Variants in LYPD6B observed in about 807,000 individuals in gnomAD.
LYPD6B encodes LY6/PLAUR domain containing 6B.
LYPD6B carries 17 observed loss-of-function variants against 22.8 expected under a neutral mutation model. That is an observed-to-expected ratio of 0.75 (90% CI 0.51 to 1.12). The LOEUF is 1.12. Among genes scored for constraint, LYPD6B ranks in the 50% most tolerant of loss-of-function variants. The probability of loss-of-function intolerance (pLI) is 0.00; values close to 1 mark genes in which losing one functional copy is unlikely to be tolerated. For synonymous variants in LYPD6B, 106 were observed against 91.6 expected (o/e 1.16, Z -0.90); for missense variants, 221 against 258.3 (o/e 0.86, Z 0.99).
At chr2:149,095,016 G>T (rs140205428) in intron 1 of LYPD6B, among the ~76,000 whole-genome samples, 1 of 152,238 alleles carries the variant, frequency 6.6e-6, no homozygotes, top group Non-Finnish European at 1.5e-5. Flanking sequence ...AGGTGGCCGG[G>T]AGTGGTGGCT....
chr2:149,066,341 A>G (rs1684330816), intron 1 of LYPD6B, among the ~76,000 whole-genome samples: 2 of 142,714 alleles, frequency 1.4e-5, no homozygotes, highest in Admixed American at 1.4e-4. Flanking sequence ...CCCACCCCAC[A>G]ACAGGCCCCG....
chr2:149,073,716 G>A (rs1048500464), intron 1 of LYPD6B, among the ~76,000 whole-genome samples: 1 of 152,000 alleles, frequency 6.6e-6, no homozygotes, highest in Non-Finnish European at 1.5e-5. Context: ...CACTTCTATA[G>A]GTACCTGCTG....
At chr2:149,047,283 T>A (rs1255210139) in intron 1 of LYPD6B, among the ~76,000 whole-genome samples, 2 of 152,184 alleles carry the variant, frequency 1.3e-5, no homozygotes, top group Non-Finnish European at 2.9e-5. Flanking sequence ...CTATTTTTCC[T>A]GCATCTTTGG....
At chr2:149,108,146 A>G (rs1235190084) in intron 1 of LYPD6B, among the ~76,000 whole-genome samples, 1 of 152,120 alleles carries the variant, frequency 6.6e-6, no homozygotes, top group Admixed American at 6.6e-5. Context: ...TGGTTTAATA[A>G]AGAAGAGTTC....
intron 1 of LYPD6B, among the ~76,000 whole-genome samples, chr2:149,120,756 A>T (rs552172457): frequency 6.8e-6 from 1 of 146,886 alleles, no homozygotes; most frequent in Admixed American, 6.8e-5. Context: ...TATTAATATA[A>T]ACATTTTTTG....
intron 4 of LYPD6B, chr2:149,205,947 T>C: frequency 2.3e-6 from 1 of 435,338 alleles, no homozygotes; most frequent in Middle Eastern, 5.6e-4. Flanking sequence ...ATATATATGT[T>C]AATACATTTT....
chr2:149,185,170 C>T lies in LYPD6B; in HGVS notation c.78-20083C>T, dbSNP rs562352720. ...GCACCATGCCCAACTGTTGCATGGG[C>T]TTCTGGGGCACTCAGGGATTAAAGG... On this transcript the variant is annotated intron_variant, in intron 3 of 6. Coordinates refer to ENST00000409642, the MANE Select transcript of LYPD6B (RefSeq NM_177964.5). Among the ~76,000 whole-genome samples the T allele has an allele frequency of 1.3e-4, 20 of 152,318 alleles. No individual in the cohort carries two copies. In the East Asian group the frequency reaches 3.9e-3, roughly 29 times the overall value.
At chr2:149,075,157 T>A in intron 1 of LYPD6B, among the ~76,000 whole-genome samples, 1 of 152,250 alleles carries the variant, frequency 6.6e-6, no homozygotes, top group East Asian at 1.9e-4. Context: ...ATTAACTTTA[T>A]GCTTTTGATT....
At chr2:149,135,045 G>A (rs1688271395) in intron 2 of LYPD6B, among the ~76,000 whole-genome samples, 1 of 152,034 alleles carries the variant, frequency 6.6e-6, no homozygotes, top group Admixed American at 6.5e-5. Flanking sequence ...AGGAGTTCAA[G>A]ACCAGCCTGG....
At chr2:149,205,673 A>G (rs1559078279) in intron 4 of LYPD6B, among the ~76,000 whole-genome samples, 1 of 152,224 alleles carries the variant, frequency 6.6e-6, no homozygotes, top group Non-Finnish European at 1.5e-5. Flanking sequence ...TAATCATGGC[A>G]TAGTAGAGGA....
At chr2:149,081,990 G>A (rs1685157643) in intron 1 of LYPD6B, among the ~76,000 whole-genome samples, 2 of 152,090 alleles carry the variant, frequency 1.3e-5, no homozygotes, top group African/African-American at 4.8e-5. Context: ...TTCTATGTAG[G>A]TATTGTGTAG....
intron 1 of LYPD6B, among the ~76,000 whole-genome samples, chr2:149,049,796 A>C (rs1239440985): frequency 6.6e-6 from 1 of 152,134 alleles, no homozygotes; most frequent in African/African-American, 2.4e-5. Context: ...GTCAGGAAAG[A>C]CTTGATTGGG....
intron 3 of LYPD6B, among the ~76,000 whole-genome samples, chr2:149,193,327 G>GT (rs773344578): frequency 7.9e-5 from 12 of 152,190 alleles, no homozygotes; most frequent in South Asian, 2.1e-4. Context: ...CCAAGGTGTG[G>GT]TTTTTTCAAA....
At chr2:149,119,745 T>C (rs971290826) in intron 1 of LYPD6B, among the ~76,000 whole-genome samples, 2 of 152,148 alleles carry the variant, frequency 1.3e-5, no homozygotes, top group African/African-American at 4.8e-5. Flanking sequence ...TTCTAAAAGC[T>C]CCAGTGAAGG....
At chr2:149,140,906 G>A (rs1688653199) in intron 2 of LYPD6B, among the ~76,000 whole-genome samples, 1 of 152,128 alleles carries the variant, frequency 6.6e-6, no homozygotes, top group South Asian at 2.1e-4. Context: ...CTTTAGAAGG[G>A]ATTTGGCCAA....
At chr2:149,193,959 C>T (rs1029493795) in intron 3 of LYPD6B, among the ~76,000 whole-genome samples, 11 of 152,148 alleles carry the variant, frequency 7.2e-5, no homozygotes, top group African/African-American at 2.7e-4. Flanking sequence ...CAACATGTGT[C>T]CATCTTTCTG....
chr2:149,213,989 G>A lies in LYPD6B; in HGVS notation c.460-557G>A, dbSNP rs544458312. 3.3e-5 allele frequency among the ~76,000 whole-genome samples: 5 copies of A among 152,256 alleles called. No homozygotes were observed. The East Asian group carries it at 7.7e-4, about 24-fold the overall frequency. On this transcript the variant is annotated intron_variant, in intron 6 of 6. Coordinates refer to ENST00000409642, the MANE Select transcript of LYPD6B (RefSeq NM_177964.5). Reference sequence around the variant, plus strand: ...CAGGTTGAGACATTGTACCTGGCACGGTTTGGTATTACCTGAAAACATCCC... The same window carrying A: ...CAGGTTGAGACATTGTACCTGGCACAGTTTGGTATTACCTGAAAACATCCC...
At chr2:149,131,872 A>C (rs1005634456) in intron 2 of LYPD6B, among the ~76,000 whole-genome samples, 1 of 152,172 alleles carries the variant, frequency 6.6e-6, no homozygotes, top group Non-Finnish European at 1.5e-5. Flanking sequence ...TGATGATGAA[A>C]ATACTTCTGT....
At chr2:149,150,085 G>A (rs77902140) in intron 2 of LYPD6B, among the ~76,000 whole-genome samples, 1 of 152,300 alleles carries the variant, frequency 6.6e-6, no homozygotes, top group East Asian at 1.9e-4. Flanking sequence ...AACATGTACT[G>A]TGATCACCTA....
Sources: gnomAD v4.1 joint callset for allele counts (sites outside exome capture counted in the v4.1 genomes callset) on GRCh38, gnomAD v4.1.1 for gene constraint, MANE v1.5 for transcripts, NCBI Gene and HGNC (gene_info 2026-07-23, HGNC 2026-07-21) for gene names.